Variants in ARHGEF9 observed in about 807,000 individuals in gnomAD.
ARHGEF9 encodes the protein Cdc42 guanine nucleotide exchange factor 9, also known as rho guanine nucleotide exchange factor 9.
ARHGEF9 carries 2 observed loss-of-function variants against 41.3 expected under a neutral mutation model. That is an observed-to-expected ratio of 0.05 (90% confidence interval 0.02 to 0.15). ARHGEF9 has a LOEUF of 0.15. ARHGEF9 is among the 10% of genes least tolerant of loss of function. ARHGEF9 has a pLI of 1.00. For synonymous variants in ARHGEF9, 160 were observed against 154.4 expected (o/e 1.04, Z -0.27); for missense variants, 225 against 424.7 (o/e 0.53, Z 4.13).
intron 3 of ARHGEF9, among the ~76,000 whole-genome samples, chrX:63,704,201 T>C (rs1182075438): frequency 8.9e-6 from 1 of 112,374 alleles, no homozygotes; most frequent in Non-Finnish European, 1.9e-5. Flanking sequence ...TAGATTGTAC[T>C]TAATTTTATG....
chrX:63,695,127 G>T (rs1237694764), intron 4 of ARHGEF9, among the ~76,000 whole-genome samples: 1 of 111,561 alleles, frequency 9.0e-6, no homozygotes, highest in Admixed American at 9.5e-5. Flanking sequence ...TCAATGTCTG[G>T]AGACATTTTT....
chrX:63,648,885 C>T (rs1477678047), intron 8 of ARHGEF9, among the ~76,000 whole-genome samples: 1 of 111,644 alleles, frequency 9.0e-6, no homozygotes, highest in African/African-American at 3.3e-5. Flanking sequence ...GGCATCAATT[C>T]AACAAGAAGA....
intron 1 of ARHGEF9, among the ~76,000 whole-genome samples, chrX:63,764,662 C>T (rs1191179923): frequency 8.9e-6 from 1 of 112,036 alleles, no homozygotes; most frequent in African/African-American, 3.2e-5. Context: ...AGATCATGTC[C>T]TTTGCAGGGA....
chrX:63,722,588 C>T (rs781896823), intron 2 of ARHGEF9, among the ~76,000 whole-genome samples: 3 of 110,824 alleles, frequency 2.7e-5, no homozygotes, highest in Non-Finnish European at 5.7e-5. Context: ...CTGTCATTTG[C>T]TTCCCTGAGC....
At chrX:63,682,296 C>T (rs2050686494) in intron 4 of ARHGEF9, among the ~76,000 whole-genome samples, 1 of 110,933 alleles carries the variant, frequency 9.0e-6, no homozygotes, top group Admixed American at 9.5e-5. Flanking sequence ...GGGCAGATCA[C>T]AAGGTCAGGA....
intron 1 of ARHGEF9, among the ~76,000 whole-genome samples, chrX:63,735,010 G>A (rs1326563137): frequency 2.7e-5 from 3 of 111,056 alleles, no homozygotes; most frequent in Non-Finnish European, 3.8e-5. Context: ...TTGAGCCAGC[G>A]TGGGTCTTAT....
At chrX:63,684,512 A>T (rs2058673744) in intron 4 of ARHGEF9, among the ~76,000 whole-genome samples, 1 of 111,106 alleles carries the variant, frequency 9.0e-6, no homozygotes, top group Non-Finnish European at 1.9e-5. Flanking sequence ...ATTATCCAGT[A>T]ATCCCTCTTT....
chrX:63,768,339 C>T (rs1324322436), intron 1 of ARHGEF9, among the ~76,000 whole-genome samples: 1 of 112,051 alleles, frequency 8.9e-6, no homozygotes, highest in African/African-American at 3.2e-5. Flanking sequence ...GAGTAGTATT[C>T]CACGGTGTTT....
chrX:63,751,939 G>T (rs1212453548), intron 1 of ARHGEF9, among the ~76,000 whole-genome samples: 2 of 110,158 alleles, frequency 1.8e-5, no homozygotes. Context: ...CAGAGGAGAA[G>T]GCATTTCGTG....
intron 1 of ARHGEF9, among the ~76,000 whole-genome samples, chrX:63,728,812 T>C (rs782783412): frequency 9.0e-6 from 1 of 111,406 alleles, no homozygotes; most frequent in Non-Finnish European, 1.9e-5. Flanking sequence ...TGTGTGGCAA[T>C]GAAGATAGCC....
At chrX:63,684,112 T>C (rs1447235701) in intron 4 of ARHGEF9, among the ~76,000 whole-genome samples, 2 of 110,042 alleles carry the variant, frequency 1.8e-5, no homozygotes, top group Middle Eastern at 4.9e-3. Flanking sequence ...ATATAAAATA[T>C]ATAAAGTGGT....
chrX:63,726,252 C>G (rs1242714097), intron 1 of ARHGEF9, among the ~76,000 whole-genome samples: 1 of 112,568 alleles, frequency 8.9e-6, no homozygotes, highest in African/African-American at 3.2e-5. Context: ...TCATGCTTTA[C>G]GCTTTGCTAA....
At chrX:63,762,120 C>A (rs1192553460) in intron 1 of ARHGEF9, among the ~76,000 whole-genome samples, 1 of 111,506 alleles carries the variant, frequency 9.0e-6, no homozygotes, top group Non-Finnish European at 1.9e-5. Context: ...CTGGATAATT[C>A]CACTCCTGAG....
chrX:63,742,665 C>T (rs2055031978), intron 1 of ARHGEF9, among the ~76,000 whole-genome samples: 1 of 111,836 alleles, frequency 8.9e-6, no homozygotes, highest in South Asian at 3.8e-4. Flanking sequence ...AAAGAGCCTG[C>T]TTTTAGGATC....
intron 1 of ARHGEF9, among the ~76,000 whole-genome samples, chrX:63,746,823 C>T (rs1556434490): frequency 8.9e-6 from 1 of 111,809 alleles, no homozygotes; most frequent in East Asian, 2.8e-4. Context: ...TGACATATCT[C>T]TTTAATAAAC....
At chrX:63,662,911 T>C (rs192793840) in intron 7 of ARHGEF9, among the ~76,000 whole-genome samples, 105 of 112,219 alleles carry the variant, frequency 9.4e-4, no homozygotes, top group Non-Finnish European at 1.7e-3. Flanking sequence ...CTGGAACCCA[T>C]AATTCTGTCA....
chrX:63,785,178 C>G lies in ARHGEF9; in HGVS notation c.-33G>C, dbSNP rs782327551. On this transcript the variant is annotated 5_prime_UTR_variant, in exon 1 of 10. Coordinates refer to ENST00000671741, the MANE Select transcript of ARHGEF9 (RefSeq NM_001353921.2). ...GCGAAGTCCGGCTTCTCTGAGGCCC[C>G]GTAGCTGGCGCGAGTTGTCGCGGGC... The G allele has an allele frequency of 6.0e-6, 7 of 1,158,715 alleles. No homozygotes were observed. Among genetic ancestry groups the G allele is most frequent in the Non-Finnish European group, 8.1e-6 (7 of 868,416 alleles).
chrX:63,769,249 C>A (rs1484447028), intron 1 of ARHGEF9, among the ~76,000 whole-genome samples: 1 of 110,075 alleles, frequency 9.1e-6, no homozygotes, highest in Non-Finnish European at 1.9e-5. Context: ...AAGAAACTGG[C>A]GGCATTTTGC....
intron 1 of ARHGEF9, among the ~76,000 whole-genome samples, chrX:63,752,610 A>G (rs782093148): frequency 9.4e-4 from 105 of 111,721 alleles, no homozygotes; most frequent in Non-Finnish European, 1.6e-3. Flanking sequence ...AACCAATGCC[A>G]GCAAACCTCC....
Sources: allele counts gnomAD v4.1 joint callset (sites outside exome capture counted in the v4.1 genomes callset), GRCh38; gene constraint gnomAD v4.1.1; transcripts MANE v1.5; gene names NCBI Gene and HGNC (gene_info 2026-07-23, HGNC 2026-07-21).